CANX: variants seen among roughly 807,000 people sequenced by gnomAD.
CANX encodes epididymis secretory sperm binding protein.
Under a neutral mutation model 75.7 loss-of-function variants are expected in CANX, and 14 were observed. That is an observed-to-expected ratio of 0.19 (90% CI 0.12 to 0.29). CANX has a LOEUF of 0.29. Ranked by LOEUF, CANX falls within the 10% of genes least tolerant of loss-of-function variation. CANX has a pLI of 1.00. For synonymous variants in CANX, 227 were observed against 236.9 expected (o/e 0.96, Z 0.38); for missense variants, 567 against 713.2 (o/e 0.79, Z 2.34).
Position 179,709,863 on chromosome 5 carries a change from G to A in CANX, c.529-10G>A, listed in dbSNP as rs750752034. ...CAGTGACTTCAAATAATCCTTTTTT[G>A]TTTTTGAAGGATCAGTTCCATGACA... On this transcript the variant is annotated splice_polypyrimidine_tract_variant and intron_variant, in intron 6 of 14. Transcript: ENST00000247461. 1.3e-6 allele frequency: 2 copies of A among 1,538,100 alleles called. No individual in the cohort carries two copies. The highest frequency in any genetic ancestry group is 2.8e-5 in the African/African-American group (2 of 70,742).
At chr5:179,679,003 G>A (rs767178290) in intron 1 of CANX, 5 of 1,535,854 alleles carry the variant, frequency 3.3e-6, no homozygotes, top group East Asian at 2.4e-5. Context: ...GCAGGTAGAA[G>A]GTGGACAGGG....
chr5:179,703,021 G>A (rs557933737), intron 1 of CANX, among the ~76,000 whole-genome samples: 1 of 152,104 alleles, frequency 6.6e-6, no homozygotes, highest in African/African-American at 2.4e-5. Context: ...CACCTGCCTC[G>A]GCCTCCCAAA....
At position 179,719,697 on chromosome 5, in the gene CANX, A is replaced by G; in HGVS notation, c.941A>G (p.Asp314Gly). The change falls in exon 9 of 15, where the codon GAT (aspartate) becomes GGT (glycine). Residue 314 changes from aspartate (D) to glycine (G), a missense_variant. Physicochemically the swap from Asp to Gly is moderately conservative, Grantham distance 94. Around this residue, in one of 3 missense-constraint regions of CANX, gnomAD observed 351 missense variants for 433.8 expected, o/e 0.81. Coordinates refer to ENST00000247461, the MANE Select transcript of CANX (RefSeq NM_001746.4). ...WDEDAPAKIP[D>G]EEATKPEGWL... The stretch of plus-strand genomic sequence containing the variant: ...GAAGATGCCCCTGCTAAGATTCCAG[A>G]TGAAGAGGCCACAAAACCCGAAGGC... 8 of 1,612,600 alleles carry G rather than the reference A, an allele frequency of 5.0e-6. No individual in the cohort carries two copies. Among genetic ancestry groups the G allele is most frequent in the Non-Finnish European group, 6.8e-6 (8 of 1,179,096 alleles).
chr5:179,692,407 G>A (rs1776314219), intron 1 of CANX, among the ~76,000 whole-genome samples: 1 of 151,956 alleles, frequency 6.6e-6, no homozygotes, highest in Non-Finnish European at 1.5e-5. Context: ...AAGAGCCCCC[G>A]GTTTAAAAGC....
chr5:179,705,924 G>C, intron 2 of CANX, 72 bp downstream of exon 2: 1 of 1,302,064 alleles, frequency 7.7e-7, no homozygotes. Flanking sequence ...CCCGGGTGCA[G>C]GGAAATGTAG....
Position 179,728,649 on chromosome 5 carries a change from A to G in CANX, c.*5A>G, listed in dbSNP as rs772806133. 1.3e-5 allele frequency: 21 copies of G among 1,602,666 alleles called. No individual in the cohort carries two copies. In the Admixed American group the frequency reaches 3.5e-4, roughly 27 times the overall value. ...AGAAAGCCACGAAGAGAGTGAAACA[A>G]TCTTAAGAGCTTGATCTGTGATTTC... On this transcript the variant is annotated 3_prime_UTR_variant, in exon 15 of 15. Transcript: ENST00000247461.
chr5:179,714,029 C>T (rs769119910), intron 7 of CANX, among the ~76,000 whole-genome samples: 15 of 152,070 alleles, frequency 9.9e-5, no homozygotes, highest in East Asian at 7.7e-4. Context: ...ATGGGAGTCT[C>T]TCTCTGTTGC....
At chr5:179,703,626 T>G (rs1776920026) in intron 1 of CANX, among the ~76,000 whole-genome samples, 2 of 152,008 alleles carry the variant, frequency 1.3e-5, no homozygotes, top group Non-Finnish European at 2.9e-5. Flanking sequence ...TTTGATTTTT[T>G]GTAGAGACAG....
At chr5:179,707,037 A>T in intron 3 of CANX, 95 bp from the exon 4 acceptor site, 1 of 765,956 alleles carries the variant, frequency 1.3e-6, no homozygotes, top group East Asian at 2.5e-5. Context: ...ATAGGCTAAG[A>T]GCAGAATAGG....
intron 7 of CANX, among the ~76,000 whole-genome samples, chr5:179,715,592 T>G (rs1777886625): frequency 6.6e-6 from 1 of 152,226 alleles, no homozygotes. Context: ...AATTGTTTTT[T>G]CATTCTCCAT....
At chr5:179,712,746 C>T (rs1472731597) in intron 7 of CANX, among the ~76,000 whole-genome samples, 2 of 150,276 alleles carry the variant, frequency 1.3e-5, no homozygotes, top group Admixed American at 6.7e-5. Context: ...TTTTTTGAGG[C>T]GGAGTATTGC....
chr5:179,681,257 G>A (rs2127761585), intron 1 of CANX, among the ~76,000 whole-genome samples: 1 of 152,284 alleles, frequency 6.6e-6, no homozygotes, highest in African/African-American at 2.4e-5. Flanking sequence ...GTCATTCTTG[G>A]CAGGGGAATG....
At chr5:179,698,953 C>T (rs1776526487), upstream of CANX, 3 of 1,117,892 alleles carry the variant, frequency 2.7e-6, no homozygotes, top group Admixed American at 5.1e-5. Context: ...TGCGGTGGGG[C>T]TCGCTCGCGC....
intron 13 of CANX, among the ~76,000 whole-genome samples, 187 bp from the exon 14 acceptor site, chr5:179,726,493 G>A (rs1176816749): frequency 9.4e-5 from 14 of 149,612 alleles, no homozygotes; most frequent in Non-Finnish European, 4.4e-5. Flanking sequence ...GGAGAATGGC[G>A]TGAACCCGGG....
intron 1 of CANX, chr5:179,678,950 C>T: frequency 6.5e-7 from 1 of 1,535,470 alleles, no homozygotes; most frequent in Admixed American, 2.0e-5. Context: ...GCACGGCGCG[C>T]CGTAGGCGAG....
chr5:179,716,092 A>G lies in CANX; in HGVS notation c.722-13A>G. On this transcript the variant is annotated splice_polypyrimidine_tract_variant and intron_variant, in intron 7 of 14. Transcript: ENST00000247461. Reference sequence around the variant, plus strand: ...AATTAAGTACTTTTAATTCCATTTAATGTTTCTTTCAGTCTTGAATCCAGA... The same window carrying G: ...AATTAAGTACTTTTAATTCCATTTAGTGTTTCTTTCAGTCTTGAATCCAGA... 2 of 1,569,172 alleles carry G rather than the reference A, an allele frequency of 1.3e-6. No individual in the cohort carries two copies. Among genetic ancestry groups the G allele is most frequent in the Non-Finnish European group, 1.8e-6 (2 of 1,140,260 alleles).
At chr5:179,699,629 C>G (rs1776599365) in intron 1 of CANX, 1 of 152,234 alleles carries the variant, frequency 6.6e-6, no homozygotes, top group Admixed American at 6.6e-5. Flanking sequence ...AGAAGGAGAA[C>G]ACGCAGTGGT....
chr5:179,679,149 C>T, intron 1 of CANX: 1 of 1,535,546 alleles, frequency 6.5e-7, no homozygotes, highest in Non-Finnish European at 8.7e-7. Context: ...AGGGCGTGGA[C>T]CTTGTAGGGC....
At position 179,728,863 on chromosome 5, in the gene CANX, C is replaced by A; in HGVS notation, c.*219C>A. The A allele has an allele frequency of 4.9e-6, 3 of 616,152 alleles. No homozygotes were observed. Among genetic ancestry groups the A allele is most frequent in the Non-Finnish European group, 8.9e-6 (3 of 335,570 alleles). 38.2% of individuals were successfully genotyped at this position (616,152 alleles called of 1,614,324 possible). ...GACCCTGTTTCTGTAGAAAAGAAAA[C>A]ATTTAACATAATGGTTGTGAAATGT... is the stretch of plus-strand genomic sequence containing the variant. On this transcript the variant is annotated 3_prime_UTR_variant, in exon 15 of 15. Transcript: ENST00000247461.
Sources: allele counts gnomAD v4.1 joint callset (sites outside exome capture counted in the v4.1 genomes callset), GRCh38; gene constraint gnomAD v4.1.1; regional missense constraint gnomAD v4.1.1; transcripts MANE v1.5; gene names NCBI Gene and HGNC (gene_info 2026-07-23, HGNC 2026-07-21).